The following DACH2 variants were observed in gnomAD, a reference collection of about 807,000 sequenced individuals.
DACH2 encodes the protein dachshund family transcription factor 2, also known as dachshund homolog 2.
Under a neutral mutation model 35.8 loss-of-function variants are expected in DACH2, and 17 were observed. The observed-to-expected ratio is 0.48, with a 90% CI of 0.33 to 0.71. The LOEUF is 0.71. Ranked by LOEUF, DACH2 falls within the 30% of genes least tolerant of loss-of-function variation. DACH2 has a pLI of 0.02. For synonymous variants in DACH2, 195 were observed against 177.3 expected (o/e 1.10, Z -0.79); for missense variants, 469 against 472.7 (o/e 0.99, Z 0.07).
rs141558521 is a variant in DACH2, at chrX:86,403,789, G to A, written c.527+26927G>A. ...ACAATAGCAAAACCATGGTGTATTAGTCTGTTTTCACTCTGCTATAAGGAG... is the reference window on the plus strand; with the variant it reads ...ACAATAGCAAAACCATGGTGTATTAATCTGTTTTCACTCTGCTATAAGGAG... On this transcript the variant is annotated intron_variant, in intron 2 of 11. Transcript: ENST00000373125. 2.0e-3 allele frequency among the ~76,000 whole-genome samples: 221 copies of A among 111,237 alleles called. 7 individuals carry two copies. In the East Asian group the frequency reaches 0.045, roughly 23 times the overall value.
intron 1 of DACH2, among the ~76,000 whole-genome samples, chrX:86,208,852 AG>A (rs1388556413): frequency 9.0e-6 from 1 of 111,708 alleles, no homozygotes; most frequent in Non-Finnish European, 1.9e-5. Flanking sequence ...TCCTGCTTTT[AG>A]GGGGCTCAAA....
Position 86,420,484 on chromosome X carries a change from G to A in DACH2, c.527+43622G>A, listed in dbSNP as rs185443802. Among the ~76,000 whole-genome samples the A allele has an allele frequency of 1.5e-3, 163 of 110,995 alleles. 2 individuals are homozygous for A. The highest frequency in any genetic ancestry group is 5.0e-3 in the African/African-American group (152 of 30,584). The stretch of plus-strand genomic sequence containing the variant: ...AAATATTCCATGGAGTTTATGCCTT[G>A]TCTAATAATATCATAGGTACTGTGC... On this transcript the variant is annotated intron_variant, in intron 2 of 11. Transcript: ENST00000373125.
chrX:86,511,238 C>CAGGAATGCCT (rs1169323352), intron 2 of DACH2, among the ~76,000 whole-genome samples: 7 of 111,605 alleles, frequency 6.3e-5, no homozygotes, highest in Non-Finnish European at 1.1e-4. Flanking sequence ...AAATGAAGTG[C>CAGGAATGCCT]AGGAATGTCT....
At chrX:86,399,964 C>T (rs1294640042) in intron 2 of DACH2, among the ~76,000 whole-genome samples, 1 of 111,866 alleles carries the variant, frequency 8.9e-6, no homozygotes, top group African/African-American at 3.3e-5. Context: ...TGGATAATAT[C>T]CTGCAGAGTG....
intron 2 of DACH2, chrX:86,481,040 G>A (rs1326314374): frequency 9.0e-6 from 1 of 111,690 alleles, no homozygotes; most frequent in African/African-American, 3.3e-5. Context: ...GATTGTTTAG[G>A]AGCACATATA....
chrX:86,490,193 C>T (rs1002374624), intron 2 of DACH2, among the ~76,000 whole-genome samples: 1 of 111,916 alleles, frequency 8.9e-6, no homozygotes, highest in Admixed American at 9.5e-5. Context: ...TTATAAAATG[C>T]AGGCAAGCTA....
intron 1 of DACH2, among the ~76,000 whole-genome samples, chrX:86,284,548 C>A (rs1208193364): frequency 9.1e-6 from 1 of 109,490 alleles, no homozygotes; most frequent in Non-Finnish European, 1.9e-5. Context: ...CTGTAGTTTT[C>A]TTTTCTTTCT....
At chrX:86,814,186 G>A (rs778305604) in intron 9 of DACH2, among the ~76,000 whole-genome samples, 1 of 111,868 alleles carries the variant, frequency 8.9e-6, no homozygotes, top group Non-Finnish European at 1.9e-5. Context: ...TTTCCCTTTA[G>A]AACTGGTAAC....
chrX:86,342,222 G>A (rs1379355246), intron 1 of DACH2, among the ~76,000 whole-genome samples: 2 of 111,560 alleles, frequency 1.8e-5, no homozygotes, highest in South Asian at 3.7e-4. Context: ...TTTGCAGCCA[G>A]TCATGATGGC....
At chrX:86,750,115 G>A (rs2041756949) in intron 7 of DACH2, among the ~76,000 whole-genome samples, 1 of 110,831 alleles carries the variant, frequency 9.0e-6, no homozygotes, top group South Asian at 3.8e-4. Context: ...TGTGGCTAGA[G>A]ACTGCAATAC....
intron 1 of DACH2, among the ~76,000 whole-genome samples, chrX:86,167,532 A>G (rs1187657847): frequency 9.0e-6 from 1 of 110,515 alleles, no homozygotes; most frequent in Admixed American, 9.6e-5. Context: ...TGTTTTCTAA[A>G]ATTTCAATTT....
chrX:86,517,754 C>G (rs2038492891), intron 3 of DACH2, among the ~76,000 whole-genome samples: 1 of 111,503 alleles, frequency 9.0e-6, no homozygotes, highest in African/African-American at 3.3e-5. Flanking sequence ...TTGTTTTTCT[C>G]TGGTAAATTT....
At chrX:86,767,401 A>G (rs1602921471) in intron 7 of DACH2, among the ~76,000 whole-genome samples, 1 of 111,753 alleles carries the variant, frequency 8.9e-6, no homozygotes, top group Non-Finnish European at 1.9e-5. Context: ...AATGTCCCCA[A>G]TATCAAATGA....
At chrX:86,738,394 A>G (rs998778821) in intron 6 of DACH2, among the ~76,000 whole-genome samples, 2 of 112,265 alleles carry the variant, frequency 1.8e-5, no homozygotes, top group African/African-American at 6.5e-5. Flanking sequence ...TGCAAAATCA[A>G]TGTGGAAATG....
In DACH2 at chrX:86,707,912, T is replaced by TAAAAAAAAAAAAA. The variant is rs56293403; in HGVS notation, c.932-6630_932-6618dup. 1.2e-3 allele frequency among the ~76,000 whole-genome samples: 41 copies of TAAAAAAAAAAAAA among 34,548 alleles called. 7 individuals are homozygous for TAAAAAAAAAAAAA. The highest frequency in any genetic ancestry group is 3.6e-3 in the African/African-American group (19 of 5,251). The allele number at this position is 34,548 out of a possible 115,157, so 30.0% of individuals were successfully genotyped here. ...CCTGGTGACAGAGTAAGACTCCATC[T>TAAAAAAAAAAAAA]AAAAAAAAAAAAAAAAAATTACACA... On this transcript the variant is annotated intron_variant, in intron 5 of 11. Transcript: ENST00000373125.
chrX:86,414,276 C>T, intron 2 of DACH2, among the ~76,000 whole-genome samples: 1 of 111,160 alleles, frequency 9.0e-6, no homozygotes, highest in East Asian at 2.9e-4. Context: ...CAGTAGGCTT[C>T]CTATCGATTT....
chrX:86,265,337 C>T (rs1375102427), intron 1 of DACH2, among the ~76,000 whole-genome samples: 1 of 111,634 alleles, frequency 9.0e-6, no homozygotes, highest in Non-Finnish European at 1.9e-5. Flanking sequence ...ACCAATGTCA[C>T]CCTTTGTATT....
chrX:86,734,338 A>G (rs765526228), intron 6 of DACH2, among the ~76,000 whole-genome samples: 1 of 110,887 alleles, frequency 9.0e-6, no homozygotes, highest in South Asian at 3.8e-4. Flanking sequence ...CGGGATTGAA[A>G]TTATGCCTTC....
chrX:86,249,165 C>G (rs1034204499), intron 1 of DACH2, among the ~76,000 whole-genome samples: 3 of 110,995 alleles, frequency 2.7e-5, no homozygotes, highest in African/African-American at 6.5e-5. Context: ...CATGACAAAG[C>G]CTTCAAAAGC....
Sources: gnomAD v4.1 joint callset for allele counts (sites outside exome capture counted in the v4.1 genomes callset) on GRCh38, gnomAD v4.1.1 for gene constraint, MANE v1.5 for transcripts, NCBI Gene and HGNC (gene_info 2026-07-23, HGNC 2026-07-21) for gene names.